Variants in PLEKHG6 observed in about 807,000 individuals in gnomAD.
PLEKHG6 encodes the protein pleckstrin homology domain-containing family G member 6.
In PLEKHG6, 91 loss-of-function variants were observed where a neutral mutation model predicts 97.5. The ratio of observed to expected loss-of-function variants is 0.93; its 90% confidence interval spans 0.79 to 1.11. The LOEUF (loss-of-function observed/expected upper bound fraction) is 1.11. Among genes scored for constraint, PLEKHG6 ranks in the 50% most tolerant of loss-of-function variants. The probability of loss-of-function intolerance (pLI) is 0.00; values close to 1 mark genes in which losing one functional copy is unlikely to be tolerated. For missense variants in PLEKHG6, 1,044 were observed against 1,031.0 expected (o/e 1.01, Z -0.17); for synonymous variants, 466 against 425.5 (o/e 1.10, Z -1.17).
At chr12:6,319,345 G>A (rs1399508401) in intron 13 of PLEKHG6, 4 of 630,448 alleles carry the variant, frequency 6.3e-6, no homozygotes, top group Non-Finnish European at 8.1e-6. Context: ...TTACTTGGGA[G>A]GCTGAGGCAG....
chr12:6,327,343 ACT>A lies in PLEKHG6; in HGVS notation c.1763_1764del (p.Ser588TrpfsTer81). 6.2e-7 allele frequency: 1 copy of A among 1,613,770 alleles called. No individual in the cohort carries two copies. Among genetic ancestry groups the A allele is most frequent in the Non-Finnish European group, 8.5e-7 (1 of 1,179,800 alleles). ...CCCCTTGTGCCAGATGATACCTCAG[ACT>A]CTGGCTACGGCACTTTGATCCCAGG... On this transcript the variant is annotated frameshift_variant, in exon 15 of 16. Coordinates refer to ENST00000684764, the MANE Select transcript of PLEKHG6 (RefSeq NM_001384598.1). LOFTEE classifies it high-confidence loss of function.
At chr12:6,318,471 T>A (rs1947571089) in intron 11 of PLEKHG6, 51 bp downstream of exon 11, 2 of 1,550,574 alleles carry the variant, frequency 1.3e-6, no homozygotes, top group Non-Finnish European at 1.7e-6. Context: ...TGGGAGAAGG[T>A]AAGAGGCAGA....
Position 6,315,712 on chromosome 12 carries a change from A to T in PLEKHG6, c.555+63A>T. ...CCTGCATGAGCCCCCATCCTCCCAG[A>T]CTGGAAGGCAGGTCACTGGGGGAGG... On this transcript the variant is annotated intron_variant, in intron 5 of 15. Coordinates refer to ENST00000684764, the MANE Select transcript of PLEKHG6 (RefSeq NM_001384598.1). The surrounding 1 kb of genome is among the most constrained non-coding windows in gnomAD (Gnocchi z 4.5). 2 of 1,257,342 alleles carry T rather than the reference A, an allele frequency of 1.6e-6. No homozygotes were observed. The highest frequency in any genetic ancestry group is 1.1e-6 in the Non-Finnish European group (1 of 892,776). The allele number at this position is 1,257,342 out of a possible 1,614,324, so 77.9% of individuals were successfully genotyped here.
In PLEKHG6 at chr12:6,319,107, A is replaced by G; in HGVS notation, c.1523A>G (p.Gln508Arg). The change falls in exon 13 of 16, where the codon CAG (glutamine) becomes CGG (arginine). Residue 508 changes from glutamine (Q) to arginine (R), a missense_variant and splice_region_variant. Physicochemically the swap from Gln to Arg is conservative, Grantham distance 43 (BLOSUM62 1). Coordinates refer to ENST00000684764, the MANE Select transcript of PLEKHG6 (RefSeq NM_001384598.1). The stretch of plus-strand genomic sequence containing the variant: ...TGGCTGGAGAAGACCCAGCAGGCCC[A>G]GGTATGGGAAAGCCAGCAACGGGGA... ...AQWLEKTQQA[Q>R]AALQKLKAEE... The G allele has an allele frequency of 3.1e-6, 5 of 1,599,988 alleles. No individual in the cohort carries two copies. The highest frequency in any genetic ancestry group is 4.3e-6 in the Non-Finnish European group (5 of 1,169,316).
Position 6,315,941 on chromosome 12 carries a change from G to A in PLEKHG6, c.606+22G>A. The A allele has an allele frequency of 6.4e-7, 1 of 1,567,208 alleles. No homozygotes were observed. The highest frequency in any genetic ancestry group is 8.7e-7 in the Non-Finnish European group (1 of 1,154,182). On this transcript the variant is annotated intron_variant, in intron 6 of 15. Coordinates refer to ENST00000684764, the MANE Select transcript of PLEKHG6 (RefSeq NM_001384598.1). This position sits in a 1 kb window ranked among gnomAD's most constrained non-coding sequence, Gnocchi z 4.5. The stretch of plus-strand genomic sequence containing the variant: ...GGAAGTGAGTGGGTGCTCAGGAGGG[G>A]ACCCTGGCACAGCCCGACCTCTGAG...
Position 6,312,149 on chromosome 12 carries a change from T to C in PLEKHG6, c.-68-10T>C. The C allele has an allele frequency of 7.8e-7, 1 of 1,289,638 alleles. No homozygotes were observed. The highest frequency in any genetic ancestry group is 1.0e-6 in the Non-Finnish European group (1 of 971,826). The allele number at this position is 1,289,638 out of a possible 1,614,324, so 79.9% of individuals were successfully genotyped here. On this transcript the variant is annotated splice_polypyrimidine_tract_variant and intron_variant, in intron 1 of 15. Transcript: ENST00000684764. ...GGATGGCCCTTCCATTCCTCTTTTC[T>C]CTCTTGCAGCCCTAGGGGACCTCTT...
intron 14 of PLEKHG6, 115 bp from the exon 15 acceptor site, chr12:6,327,139 A>G: frequency 1.5e-6 from 1 of 681,498 alleles, no homozygotes; most frequent in Non-Finnish European, 2.6e-6. Flanking sequence ...TGCGATGGAA[A>G]GATGATACCA....
In PLEKHG6 at chr12:6,318,327, C is replaced by T. The variant is rs781705919; in HGVS notation, c.1182C>T (p.Asp394=). ...EKNLRPFSTL[D]LTSPMLGVAS... The stretch of plus-strand genomic sequence containing the variant: ...ACCTGCGCCCATTCTCCACCCTGGA[C>T]CTGACGTCCCCCATGCTGGGGGTTG... Residue 394 remains aspartate, a synonymous_variant, in exon 11 of 16, where the codon GAC becomes GAT. Transcript: ENST00000684764. The T allele has an allele frequency of 6.2e-7, 1 of 1,614,112 alleles. No homozygotes were observed. The highest frequency in any genetic ancestry group is 2.2e-5 in the East Asian group (1 of 44,872).
In PLEKHG6 at chr12:6,315,363, G is replaced by A. The variant is rs866105100; in HGVS notation, c.460-191G>A. 2.0e-5 allele frequency among the ~76,000 whole-genome samples: 3 copies of A among 152,200 alleles called. No homozygotes were observed. Among genetic ancestry groups the A allele is most frequent in the African/African-American group, 7.2e-5 (3 of 41,450 alleles). ...TGGTCAAGACAGTAAAGTTCTCTGGGCCTCAGTTGCCACATATGTAAAGTG... is the reference window on the plus strand; with the variant it reads ...TGGTCAAGACAGTAAAGTTCTCTGGACCTCAGTTGCCACATATGTAAAGTG... On this transcript the variant is annotated intron_variant, in intron 4 of 15. Transcript: ENST00000684764. The surrounding 1 kb of genome is among the most constrained non-coding windows in gnomAD (Gnocchi z 4.5).
intron 14 of PLEKHG6, 58 bp downstream of exon 14, chr12:6,326,631 G>A: frequency 7.3e-7 from 1 of 1,377,990 alleles, no homozygotes; most frequent in Non-Finnish European, 9.5e-7. Flanking sequence ...CCATAAGGCT[G>A]AGAAATGGCA....
At chr12:6,317,258 C>A (rs1398261669) in intron 7 of PLEKHG6, 45 bp from the exon 8 acceptor site, 11 of 1,274,882 alleles carry the variant, frequency 8.6e-6, no homozygotes, top group Non-Finnish European at 1.3e-5. Flanking sequence ...TATTCATGGC[C>A]TTCTCCCCAT....
At chr12:6,323,365 T>C (rs1947760377) in intron 13 of PLEKHG6, among the ~76,000 whole-genome samples, 1 of 152,222 alleles carries the variant, frequency 6.6e-6, no homozygotes, top group African/African-American at 2.4e-5. Flanking sequence ...GAGCCATCAG[T>C]CTTTATACAC....
At chr12:6,324,304 C>T (rs1213626494) in intron 13 of PLEKHG6, among the ~76,000 whole-genome samples, 4 of 150,976 alleles carry the variant, frequency 2.6e-5, no homozygotes, top group Admixed American at 1.3e-4. Context: ...CCCCCCCCGC[C>T]GCCTCCTCCA....
chr12:6,321,600 AG>A (rs977289551), intron 13 of PLEKHG6, among the ~76,000 whole-genome samples: 5 of 151,966 alleles, frequency 3.3e-5, no homozygotes, highest in African/African-American at 1.2e-4. Context: ...GCACTTTGGG[AG>A]GCCGAGGCGG....
In PLEKHG6 at chr12:6,318,320, C is replaced by T. The variant is rs997658409; in HGVS notation, c.1175C>T (p.Thr392Ile). 4 of 1,614,126 alleles carry T rather than the reference C, an allele frequency of 2.5e-6. No individual in the cohort carries two copies. The highest frequency in any genetic ancestry group is 2.2e-5 in the South Asian group (2 of 91,084). Reference protein sequence around the residue: ...EVEKNLRPFSTLDLTSPMLGV... With the variant: ...EVEKNLRPFSILDLTSPMLGV... ...CCTCAGAACCTGCGCCCATTCTCCACCCTGGACCTGACGTCCCCCATGCTG... is the reference window on the plus strand; with the variant it reads ...CCTCAGAACCTGCGCCCATTCTCCATCCTGGACCTGACGTCCCCCATGCTG... Residue 392 changes from threonine to isoleucine, a missense_variant, in exon 11 of 16, where the codon ACC (threonine) becomes ATC (isoleucine). Transcript: ENST00000684764.
At chr12:6,326,846 G>A (rs1947875534) in intron 14 of PLEKHG6, among the ~76,000 whole-genome samples, 1 of 152,182 alleles carries the variant, frequency 6.6e-6, no homozygotes, top group African/African-American at 2.4e-5. Context: ...AAGCTCGAGA[G>A]TGAAGGTAGG....
At position 6,327,701 on chromosome 12, in the gene PLEKHG6, A is replaced by G. The variant is rs774347663; in HGVS notation, c.2118A>G (p.Glu706=). 2.6e-6 allele frequency: 4 copies of G among 1,562,552 alleles called. No homozygotes were observed. The highest frequency in any genetic ancestry group is 3.5e-6 in the Non-Finnish European group (4 of 1,152,830). The change falls in exon 15 of 16, where the codon GAA becomes GAG. Residue 706 remains glutamate (E), a synonymous_variant. Transcript: ENST00000684764. ...SSPTHADSAG[E]SPWESSGEEE... ...CAACCCATGCTGACTCTGCCGGGGA[A>G]AGCCCCTGGGAGTCCTCAGGGGAGG...
chr12:6,325,751 G>A (rs1947838007), intron 13 of PLEKHG6, among the ~76,000 whole-genome samples: 1 of 152,174 alleles, frequency 6.6e-6, no homozygotes, highest in Non-Finnish European at 1.5e-5. Context: ...CTTCCTGAAG[G>A]AGGGGGAAGA....
intron 13 of PLEKHG6, among the ~76,000 whole-genome samples, chr12:6,324,284 C>T (rs1163570190): frequency 4.5e-5 from 4 of 88,222 alleles, no homozygotes; most frequent in South Asian, 3.6e-4. Flanking sequence ...GGCTCCCCCT[C>T]GCCCCCCTCC....
Sources: allele counts gnomAD v4.1 joint callset (sites outside exome capture counted in the v4.1 genomes callset), GRCh38; gene constraint gnomAD v4.1.1; non-coding constraint Gnocchi (gnomAD v3.1); transcripts MANE v1.5; gene names NCBI Gene and HGNC (gene_info 2026-07-23, HGNC 2026-07-21).